PLEKHA1: variants seen among roughly 807,000 people sequenced by gnomAD.
The protein encoded by PLEKHA1 is pleckstrin homology domain-containing family A member 1.
In PLEKHA1, 34 loss-of-function variants were observed where a neutral mutation model predicts 52.0. The ratio of observed to expected loss-of-function variants is 0.65; its 90% confidence interval spans 0.50 to 0.87. The LOEUF (loss-of-function observed/expected upper bound fraction) is 0.87. PLEKHA1 is among the 40% of genes least tolerant of loss of function. The pLI, the probability that PLEKHA1 is intolerant of heterozygous loss-of-function variation, is 0.00. For synonymous variants in PLEKHA1, 163 were observed against 170.7 expected (o/e 0.95, Z 0.35); for missense variants, 497 against 504.2 (o/e 0.99, Z 0.14).
At chr10:122,382,695 ATGTAT>A (rs1263786654) in intron 1 of PLEKHA1, among the ~76,000 whole-genome samples, 2 of 152,116 alleles carry the variant, frequency 1.3e-5, no homozygotes, top group African/African-American at 2.4e-5. Flanking sequence ...TCTAATTCAG[ATGTAT>A]TGTACACAGT....
At chr10:122,424,389 G>A (rs1418025123) in intron 9 of PLEKHA1, 126 bp downstream of exon 9, 1 of 1,069,610 alleles carries the variant, frequency 9.3e-7, no homozygotes, top group East Asian at 2.8e-5. Context: ...ACTCTTTATA[G>A]TTGAGATACA....
rs34058512 is a variant in PLEKHA1 at position 122,424,171 on chromosome 10, GTTTTTTTTTTT to G, written c.682-16_682-6del. ...TTTTAAGAATAAACATCATGTAACT[GTTTTTTTTTTT>G]TTTTTTTTTTTGCCAGGAAAAGGAA... On this transcript the variant is annotated splice_polypyrimidine_tract_variant and intron_variant, in intron 8 of 11. Coordinates refer to ENST00000368990, the MANE Select transcript of PLEKHA1 (RefSeq NM_001001974.4). 98 of 955,676 alleles carry G rather than the reference GTTTTTTTTTTT, an allele frequency of 1.0e-4. No homozygotes were observed. In the African/African-American group the frequency reaches 1.6e-3, roughly 16 times the overall value. The allele number at this position is 955,676 out of a possible 1,614,324, so 59.2% of individuals were successfully genotyped here.
In PLEKHA1 at chr10:122,381,441, CT is replaced by C. The variant is rs538665482; in HGVS notation, c.-21+6636del. On this transcript the variant is annotated intron_variant, in intron 1 of 11. Coordinates refer to ENST00000368990, the MANE Select transcript of PLEKHA1 (RefSeq NM_001001974.4). Reference sequence around the variant, plus strand: ...TTCATGGGACAGACATCCCTACTTTCTGTTCTCATGATAGTGAGTGAGTTCT... The same window carrying C: ...TTCATGGGACAGACATCCCTACTTTCGTTCTCATGATAGTGAGTGAGTTCT... Among the ~76,000 whole-genome samples, 203 of 152,308 alleles carry C rather than the reference CT, an allele frequency of 1.3e-3. 1 individual carries two copies. The highest frequency in any genetic ancestry group is 4.7e-3 in the African/African-American group (196 of 41,578).
intron 5 of PLEKHA1, among the ~76,000 whole-genome samples, chr10:122,410,478 C>T (rs999124472): frequency 2.0e-5 from 3 of 152,108 alleles, no homozygotes; most frequent in African/African-American, 7.2e-5. Context: ...CTGAAAATGT[C>T]TATCTTAATG....
intron 1 of PLEKHA1, among the ~76,000 whole-genome samples, chr10:122,385,639 A>AG (rs2096681803): frequency 6.6e-6 from 1 of 151,984 alleles, no homozygotes; most frequent in African/African-American, 2.4e-5. Flanking sequence ...TTTTGTACTT[A>AG]ATATTACGAT....
chr10:122,419,208 GT>G lies in PLEKHA1; in HGVS notation c.681+1244del, dbSNP rs2097221675. 4.6e-5 allele frequency: 7 copies of G among 152,152 alleles called. No homozygotes were observed. The South Asian group carries it at 1.4e-3, about 32-fold the overall frequency. 9.4% of individuals were successfully genotyped at this position (152,152 alleles called of 1,614,324 possible). ...CTTGTATCATAATGCTCTTCCCAGA[GT>G]TTTGCAATCACGTGCATTCTTGTCT... On this transcript the variant is annotated intron_variant, in intron 8 of 11. Coordinates refer to ENST00000368990, the MANE Select transcript of PLEKHA1 (RefSeq NM_001001974.4).
intron 4 of PLEKHA1, among the ~76,000 whole-genome samples, chr10:122,404,255 A>C (rs183738269): frequency 7.6e-4 from 115 of 152,234 alleles, no homozygotes; most frequent in Non-Finnish European, 1.2e-3. Context: ...TTTCTAGATC[A>C]TACCTATATA....
At chr10:122,394,073 T>TC (rs2134036900) in intron 2 of PLEKHA1, among the ~76,000 whole-genome samples, 1 of 95,258 alleles carries the variant, frequency 1.0e-5, no homozygotes, top group East Asian at 2.2e-4. Flanking sequence ...TCTCTACTTT[T>TC]TTTTTTTTTT....
intron 5 of PLEKHA1, among the ~76,000 whole-genome samples, chr10:122,410,383 A>C (rs894449162): frequency 1.3e-5 from 2 of 152,202 alleles, no homozygotes; most frequent in Non-Finnish European, 2.9e-5. Context: ...AAGTGGATTC[A>C]GTGTCTGACA....
intron 1 of PLEKHA1, among the ~76,000 whole-genome samples, chr10:122,377,352 T>C (rs2096552869): frequency 6.6e-6 from 1 of 152,200 alleles, no homozygotes; most frequent in Admixed American, 6.5e-5. Context: ...ACTTTTCTCA[T>C]GCTGGAGCAG....
intron 1 of PLEKHA1, among the ~76,000 whole-genome samples, chr10:122,377,985 G>A (rs1381677213): frequency 1.3e-5 from 2 of 152,118 alleles, no homozygotes; most frequent in Non-Finnish European, 2.9e-5. Context: ...TTCCTACATG[G>A]AACTCTTACC....
chr10:122,414,305 T>C (rs1042018673), intron 6 of PLEKHA1, among the ~76,000 whole-genome samples: 15 of 152,152 alleles, frequency 9.9e-5, no homozygotes, highest in Non-Finnish European at 2.9e-5. Context: ...AAGATTTTGT[T>C]GCATTGTAAT....
chr10:122,437,520 A>C, the PLEKHA1 span: 1 of 152,228 alleles, frequency 6.6e-6, no homozygotes, highest in Non-Finnish European at 1.5e-5. Flanking sequence ...ATTCGGTGCT[A>C]TTGAAGGCTT....
At chr10:122,384,436 G>A (rs1191307047) in intron 1 of PLEKHA1, among the ~76,000 whole-genome samples, 1 of 151,452 alleles carries the variant, frequency 6.6e-6, no homozygotes, top group Non-Finnish European at 1.5e-5. Flanking sequence ...GTGAAACCCC[G>A]TCTCTACTAA....
At chr10:122,406,481 C>T (rs2097017146) in intron 4 of PLEKHA1, 95 bp from the exon 5 acceptor site, 5 of 895,914 alleles carry the variant, frequency 5.6e-6, no homozygotes, top group East Asian at 2.4e-5. Flanking sequence ...ACGAGAGTCA[C>T]GGTGTTGAAC....
chr10:122,393,491 C>G lies in PLEKHA1; in HGVS notation c.141+150C>G. 1 of 628,866 alleles carries G rather than the reference C, an allele frequency of 1.6e-6. No individual in the cohort carries two copies. The highest frequency in any genetic ancestry group is 2.3e-6 in the Non-Finnish European group (1 of 425,644). The allele number at this position is 628,866 out of a possible 1,614,324, so 39.0% of individuals were successfully genotyped here. ...TGTCCTCTCTGCCCTGCACCCCTGA[C>G]CTCTACTGTTTTGTTTGAATTTCAG... On this transcript the variant is annotated intron_variant, in intron 2 of 11. Transcript: ENST00000368990. The surrounding 1 kb of genome is among the most constrained non-coding windows in gnomAD (Gnocchi z 4.5).
In PLEKHA1 at chr10:122,417,934, A is replaced by C. The variant is rs780658053; in HGVS notation, c.647A>C (p.Asp216Ala). The part of the protein sequence containing the change: ...KNWKRRYFQL[D>A]ENTIGYFKSE... ...TGGAAGAGAAGATATTTTCAATTGG[A>C]TGAAAACACAATAGGCTACTTCAAA... Residue 216 changes from aspartate to alanine, a missense_variant, in exon 8 of 12, where the codon GAT becomes GCT. Transcript: ENST00000368990. 1.2e-6 allele frequency: 2 copies of C among 1,612,074 alleles called. No homozygotes were observed. Among genetic ancestry groups the C allele is most frequent in the Non-Finnish European group, 1.7e-6 (2 of 1,178,504 alleles).
intron 8 of PLEKHA1, chr10:122,419,153 C>T (rs1457751994): frequency 1.3e-5 from 2 of 152,168 alleles, no homozygotes; most frequent in African/African-American, 2.4e-5. Flanking sequence ...AGTGTCTTCT[C>T]TTTATATGCC....
chr10:122,395,310 T>A (rs565770216), intron 2 of PLEKHA1, among the ~76,000 whole-genome samples: 9 of 152,200 alleles, frequency 5.9e-5, no homozygotes, highest in Non-Finnish European at 7.4e-5. Context: ...TATTTTTTAG[T>A]TTGTTCTTAT....
Sources: gnomAD v4.1 joint callset for allele counts (sites outside exome capture counted in the v4.1 genomes callset) on GRCh38, gnomAD v4.1.1 for gene constraint, Gnocchi (gnomAD v3.1) non-coding constraint, MANE v1.5 for transcripts, NCBI Gene and HGNC (gene_info 2026-07-23, HGNC 2026-07-21) for gene names.